Variants in CARNMT1 observed in about 807,000 individuals in gnomAD.
CARNMT1 encodes protein-L-histidine N-pros-methyltransferase CARNMT1.
CARNMT1 carries 28 observed loss-of-function variants against 49.6 expected under a neutral mutation model. The ratio of observed to expected loss-of-function variants is 0.56; its 90% CI spans 0.42 to 0.77. The LOEUF is 0.77. Ranked by LOEUF, CARNMT1 falls within the 30% of genes least tolerant of loss-of-function variation. The pLI, the probability that CARNMT1 is intolerant of heterozygous loss-of-function variation, is 0.00. For missense variants in CARNMT1, 421 were observed against 512.6 expected (o/e 0.82, Z 1.73); for synonymous variants, 178 against 175.0 (o/e 1.02, Z -0.13).
chr9:75,007,946 C>G (rs1349187828), intron 3 of CARNMT1, among the ~76,000 whole-genome samples: 2 of 151,798 alleles, frequency 1.3e-5, no homozygotes, highest in Non-Finnish European at 2.9e-5. Context: ...AGAAAGCTAA[C>G]AGAGCTAATA....
chr9:75,002,583 A>G (rs1476167578), intron 3 of CARNMT1, among the ~76,000 whole-genome samples: 1 of 152,222 alleles, frequency 6.6e-6, no homozygotes, highest in Non-Finnish European at 1.5e-5. Flanking sequence ...CAAAATAAAA[A>G]TAAAATTGCT....
At chr9:74,988,593 A>G (rs1324114586) in intron 6 of CARNMT1, among the ~76,000 whole-genome samples, 8 of 152,186 alleles carry the variant, frequency 5.3e-5, no homozygotes, top group Non-Finnish European at 1.0e-4. Flanking sequence ...TAGTCCGCCC[A>G]TATCTGATTA....
At chr9:74,998,908 G>A in intron 4 of CARNMT1, 132 bp from the exon 5 acceptor site, 1 of 491,034 alleles carries the variant, frequency 2.0e-6, no homozygotes. Flanking sequence ...CACTATTACA[G>A]CTTCCCTAAT....
intron 6 of CARNMT1, among the ~76,000 whole-genome samples, chr9:74,995,461 T>A (rs1477295340): frequency 6.6e-6 from 1 of 152,160 alleles, no homozygotes; most frequent in Admixed American, 6.5e-5. Context: ...GGTAACTACT[T>A]TTAAAGAAGA....
intron 5 of CARNMT1, 36 bp from the exon 6 acceptor site, chr9:74,996,596 G>A (rs1452734065): frequency 1.6e-6 from 2 of 1,226,442 alleles, no homozygotes; most frequent in African/African-American, 1.5e-5. Flanking sequence ...CATCTGTTAT[G>A]TTATTTTGCT....
chr9:75,016,613 G>C (rs1266205065), intron 2 of CARNMT1, 182 bp from the exon 3 acceptor site: 1 of 567,520 alleles, frequency 1.8e-6, no homozygotes, highest in African/African-American at 1.9e-5. Flanking sequence ...TGGTCTCACT[G>C]CTACCCTCAA....
chr9:75,003,450 T>C (rs1476839987), intron 3 of CARNMT1, among the ~76,000 whole-genome samples: 1 of 152,246 alleles, frequency 6.6e-6, no homozygotes, highest in Non-Finnish European at 1.5e-5. Context: ...ATCTAAGAAT[T>C]GTTTATGGCT....
intron 3 of CARNMT1, among the ~76,000 whole-genome samples, chr9:75,004,479 A>G (rs1466186794): frequency 1.3e-5 from 2 of 152,164 alleles, no homozygotes; most frequent in Non-Finnish European, 2.9e-5. Flanking sequence ...AAGCACTTGA[A>G]ATCTTGACTT....
chr9:75,002,535 A>C (rs1833391788), intron 3 of CARNMT1, among the ~76,000 whole-genome samples: 1 of 152,200 alleles, frequency 6.6e-6, no homozygotes. Context: ...AGGAATGAAA[A>C]ACATCTCATT....
chr9:75,028,179 T>TAGG lies in CARNMT1; in HGVS notation c.62_63insCCT (p.Gly21_Gly22insLeu), dbSNP rs773751410. On this transcript the variant is annotated inframe_insertion, in exon 1 of 8. Coordinates refer to ENST00000376834, the MANE Select transcript of CARNMT1 (RefSeq NM_152420.3). ...CTTCCACCTCCTCGCTGCCACCGCCTCCTCCCCCGCAGCCCTCGGGCAGCC... is the reference window on the plus strand; with the variant it reads ...CTTCCACCTCCTCGCTGCCACCGCCTAGGCCTCCCCCGCAGCCCTCGGGCAGCC... 2.8e-5 allele frequency: 42 copies of TAGG among 1,516,554 alleles called. No homozygotes were observed. In the African/African-American group the frequency reaches 5.5e-4, roughly 20 times the overall value. 93.9% of individuals were successfully genotyped at this position (1,516,554 alleles called of 1,614,324 possible). A position where few individuals can be genotyped will look rare whatever the true frequency, so the allele number is the denominator to read the frequency against.
chr9:74,990,003 T>G (rs2118760515), intron 6 of CARNMT1, among the ~76,000 whole-genome samples: 1 of 152,270 alleles, frequency 6.6e-6, no homozygotes, highest in South Asian at 2.1e-4. Flanking sequence ...AAAGCTACCA[T>G]GAGAAGTTCT....
At chr9:75,018,175 C>T (rs1373560974) in intron 1 of CARNMT1, among the ~76,000 whole-genome samples, 1 of 152,126 alleles carries the variant, frequency 6.6e-6, no homozygotes, top group African/African-American at 2.4e-5. Context: ...CATCCTCCCA[C>T]CTCAGCCTCC....
In CARNMT1 at chr9:75,012,791, G is replaced by A. The variant is rs1490668444; in HGVS notation, c.590+3477C>T. ...AAATTAGCCAGGCGTCGTGGCGGGC[G>A]TCTGTAGTCCTAGCTACTCGGGAGG... On this transcript the variant is annotated intron_variant, in intron 3 of 7. Coordinates refer to ENST00000376834, the MANE Select transcript of CARNMT1 (RefSeq NM_152420.3). Among the ~76,000 whole-genome samples, 6 of 151,542 alleles carry A rather than the reference G, an allele frequency of 4.0e-5. No individual in the cohort carries two copies. In the South Asian group the frequency reaches 6.3e-4, roughly 16 times the overall value.
chr9:75,009,146 C>T (rs1587285164), intron 3 of CARNMT1, among the ~76,000 whole-genome samples: 2 of 151,100 alleles, frequency 1.3e-5, no homozygotes, highest in African/African-American at 4.9e-5. Context: ...ATTACCTTAC[C>T]CACATATAAA....
intron 3 of CARNMT1, chr9:75,009,689 C>T (rs1311109566): frequency 2.6e-5 from 4 of 151,820 alleles, no homozygotes; most frequent in Admixed American, 1.3e-4. Flanking sequence ...CTTCTCCCCA[C>T]CCCCCAGCCC....
At chr9:75,008,423 C>A (rs997625563) in intron 3 of CARNMT1, among the ~76,000 whole-genome samples, 1 of 152,212 alleles carries the variant, frequency 6.6e-6, no homozygotes, top group African/African-American at 2.4e-5. Flanking sequence ...CCTCTGCCTC[C>A]TGAGTTCAAG....
intron 3 of CARNMT1, among the ~76,000 whole-genome samples, chr9:75,003,733 CTTTTT>C (rs1833429030): frequency 6.6e-6 from 1 of 152,212 alleles, no homozygotes; most frequent in Non-Finnish European, 1.5e-5. Context: ...GCATGAATAA[CTTTTT>C]ATTTTGAAAA....
intron 1 of CARNMT1, 82 bp downstream of exon 1, chr9:75,027,930 C>G (rs1822578877): frequency 3.6e-6 from 5 of 1,393,040 alleles, no homozygotes; most frequent in African/African-American, 1.5e-5. Context: ...GGCGGGACGG[C>G]GAGCGCCCCC....
chr9:75,012,284 G>GT (rs869040579), intron 3 of CARNMT1, among the ~76,000 whole-genome samples: 628 of 133,994 alleles, frequency 4.7e-3, no homozygotes, highest in Middle Eastern at 7.6e-3. Context: ...CAAGTTTTTG[G>GT]TTTTTTTTTT....
Sources: gnomAD v4.1 joint callset for allele counts (sites outside exome capture counted in the v4.1 genomes callset) on GRCh38, gnomAD v4.1.1 for gene constraint, MANE v1.5 for transcripts, NCBI Gene and HGNC (gene_info 2026-07-23, HGNC 2026-07-21) for gene names.